Variants in TOP1MT observed in about 807,000 individuals in gnomAD.
TOP1MT encodes the protein DNA topoisomerase I, mitochondrial.
In TOP1MT, 80 loss-of-function variants were observed where a neutral mutation model predicts 73.9. The observed-to-expected ratio is 1.08, with a 90% CI of 0.90 to 1.30. The LOEUF (loss-of-function observed/expected upper bound fraction) is 1.30, where lower values mean the gene tolerates loss of function less well. Ranked by LOEUF, TOP1MT falls within the 50% of genes most tolerant of loss-of-function variation. TOP1MT has a pLI of 0.00. For synonymous variants in TOP1MT, 338 were observed against 326.4 expected (o/e 1.04, Z -0.38); for missense variants, 815 against 808.0 (o/e 1.01, Z -0.10).
Position 143,322,734 on chromosome 8 carries a change from A to ACGCCACACACG in TOP1MT, c.960+1264_960+1265insCGTGTGTGGCG, listed in dbSNP as rs1468194652. ...CGCACGCCACACACAGGCACGCCAC[A>ACGCCACACACG]CACGCCACACACGCACGCACGCCAC... On this transcript the variant is annotated intron_variant, in intron 7 of 13. Coordinates refer to ENST00000329245, the MANE Select transcript of TOP1MT (RefSeq NM_052963.3). 1.4e-3 allele frequency among the ~76,000 whole-genome samples: 17 copies of ACGCCACACACG among 12,300 alleles called. 2 individuals are homozygous for ACGCCACACACG. Among genetic ancestry groups the ACGCCACACACG allele is most frequent in the Non-Finnish European group, 1.7e-3 (13 of 7,842 alleles). 8.1% of individuals were successfully genotyped at this position (12,300 alleles called of 152,430 possible). A position where few individuals can be genotyped will look rare whatever the true frequency, so the allele number is the denominator to read the frequency against.
At chr8:143,327,703 A>G in intron 3 of TOP1MT, 1 of 403,446 alleles carries the variant, frequency 2.5e-6, no homozygotes, top group South Asian at 1.8e-5. Context: ...GAGAATGAGG[A>G]TGCCGGGCAG....
chr8:143,347,726 AGCCAGCG>A (rs1344651271), upstream of TOP1MT, among the ~76,000 whole-genome samples: 16 of 122,924 alleles, frequency 1.3e-4, no homozygotes, highest in South Asian at 3.1e-4. Flanking sequence ...CCAGCCAGCC[AGCCAGCG>A]GGGAAGAGTT....
At position 143,341,385 on chromosome 8, in the gene TOP1MT, C is replaced by T. The variant is rs2130402680; in HGVS notation, c.29+1835G>A. Among the ~76,000 whole-genome samples, 1 of 152,310 alleles carries T rather than the reference C, an allele frequency of 6.6e-6. No individual in the cohort carries two copies. Among genetic ancestry groups the T allele is most frequent in the Middle Eastern group, 3.4e-3 (1 of 294 alleles). ...TTGGGTGTCAGGACCCCGGGCACATCCACCAAGGGCCATCTTCATCTTGTC... is the reference window on the plus strand; with the variant it reads ...TTGGGTGTCAGGACCCCGGGCACATTCACCAAGGGCCATCTTCATCTTGTC... On this transcript the variant is annotated intron_variant, in intron 2 of 5. Coordinates refer to the TOP1MT transcript ENST00000518007. This position sits in a 1 kb window ranked among gnomAD's most constrained non-coding sequence, Gnocchi z 4.1.
At chr8:143,337,459 CATCT>C (rs1489237542), upstream of TOP1MT, among the ~76,000 whole-genome samples, 2 of 152,188 alleles carry the variant, frequency 1.3e-5, no homozygotes, top group African/African-American at 4.8e-5. Flanking sequence ...ATACAATCCC[CATCT>C]AAATTCCAGC....
At chr8:143,346,511 T>C (rs1348986625), upstream of TOP1MT, among the ~76,000 whole-genome samples, 1 of 152,176 alleles carries the variant, frequency 6.6e-6, no homozygotes, top group African/African-American at 2.4e-5. Flanking sequence ...GTGCTGGGTA[T>C]AGCAGCATGC....
intron 13 of TOP1MT, 46 bp downstream of exon 13, chr8:143,310,021 GC>G: frequency 1.9e-6 from 3 of 1,602,332 alleles, no homozygotes; most frequent in Admixed American, 1.7e-5. Context: ...GAAAACCCAG[GC>G]CCCCCATAGG....
intron 1 of TOP1MT, chr8:143,332,665 G>T: frequency 1.1e-6 from 1 of 880,894 alleles, no homozygotes; most frequent in Non-Finnish European, 1.6e-6. Context: ...TTTCTGCAGA[G>T]GAGGGAATGG....
intron 3 of TOP1MT, chr8:143,328,195 T>C: frequency 2.2e-6 from 1 of 454,642 alleles, no homozygotes; most frequent in South Asian, 1.6e-5. Context: ...GTACTCACCA[T>C]AAAAGACAGA....
At chr8:143,322,733 C>A (rs1399838596) in intron 7 of TOP1MT, among the ~76,000 whole-genome samples, 1 of 29,354 alleles carries the variant, frequency 3.4e-5, no homozygotes, top group Admixed American at 3.5e-4. Flanking sequence ...AGGCACGCCA[C>A]ACACGCCACA....
At chr8:143,311,392 A>T (rs1816011164) in intron 12 of TOP1MT, among the ~76,000 whole-genome samples, 1 of 152,116 alleles carries the variant, frequency 6.6e-6, no homozygotes, top group Admixed American at 6.5e-5. Flanking sequence ...ACACGCCACC[A>T]TTAAAAACAG....
upstream of TOP1MT, chr8:143,359,364 G>T: frequency 7.1e-6 from 7 of 985,468 alleles, no homozygotes; most frequent in Non-Finnish European, 7.2e-6. Flanking sequence ...CCAACTCCGG[G>T]AAGAAAGGCC....
At chr8:143,319,391 C>G (rs1222956161) in intron 8 of TOP1MT, among the ~76,000 whole-genome samples, 1 of 152,108 alleles carries the variant, frequency 6.6e-6, no homozygotes, top group African/African-American at 2.4e-5. Context: ...AACTCCTGGG[C>G]TCCAGCAACC....
In TOP1MT at chr8:143,334,589, T is replaced by C. The variant is rs907902668; in HGVS notation, c.122+151A>G. 5 of 1,138,218 alleles carry C rather than the reference T, an allele frequency of 4.4e-6. No homozygotes were observed. In the African/African-American group the frequency reaches 8.3e-5, roughly 19 times the overall value. The allele number at this position is 1,138,218 out of a possible 1,614,324, so 70.5% of individuals were successfully genotyped here. On this transcript the variant is annotated intron_variant, in intron 1 of 13. Transcript: ENST00000329245. ...ACACCCCGGGCAGGAGGCGGGCCGG[T>C]CACACCGCGGCACGCATGCTCTCCT...
rs141255810 is a variant in TOP1MT, at chr8:143,321,321, G to A, written c.1026C>T (p.Ser342=). ...GCAGCTGGACGTGCTCCACGCGGAGGGAACAGCAGCCCACGGTGTCGGCCG... is the reference window on the plus strand; with the variant it reads ...GCAGCTGGACGTGCTCCACGCGGAGAGAACAGCAGCCCACGGTGTCGGCCG... ...GEAADTVGCC[S]LRVEHVQLHP... is the part of the protein sequence containing the mutation. Residue 342 remains serine (S), a synonymous_variant, in exon 8 of 14, where the codon TCC becomes TCT. Coordinates refer to ENST00000329245, the MANE Select transcript of TOP1MT (RefSeq NM_052963.3). The A allele has an allele frequency of 4.4e-6, 7 of 1,608,318 alleles. No homozygotes were observed. Among genetic ancestry groups the A allele is most frequent in the Non-Finnish European group, 6.0e-6 (7 of 1,175,804 alleles).
chr8:143,331,241 A>C lies in TOP1MT; in HGVS notation c.221T>G (p.Val74Gly), dbSNP rs528707532. The C allele has an allele frequency of 6.2e-7, 1 of 1,607,436 alleles. No individual in the cohort carries two copies. Among genetic ancestry groups the C allele is most frequent in the Admixed American group, 1.7e-5 (1 of 59,750 alleles). Residue 74 changes from valine (V) to glycine (G), a missense_variant, in exon 2 of 14, where the codon GTG becomes GGG. Transcript: ENST00000329245. ...APPYEPLPDG[V>G]RFFYEGRPVR... is the part of the protein sequence containing the mutation. Reference sequence around the variant, plus strand: ...ATCCTTACCTTCATAGAAGAAACGCACTCCGTCGGGAAGGGGCTCGTATGG... The same window carrying C: ...ATCCTTACCTTCATAGAAGAAACGCCCTCCGTCGGGAAGGGGCTCGTATGG...
At chr8:143,316,754 G>A (rs1404195966) in intron 10 of TOP1MT, among the ~76,000 whole-genome samples, 1 of 152,236 alleles carries the variant, frequency 6.6e-6, no homozygotes, top group Non-Finnish European at 1.5e-5. Context: ...TGGCCCCAAG[G>A]CACCTACTGG....
intron 2 of TOP1MT, among the ~76,000 whole-genome samples, chr8:143,330,181 C>T (rs1158416020): frequency 1.3e-5 from 2 of 152,224 alleles, no homozygotes; most frequent in African/African-American, 4.8e-5. Context: ...AGCACAGGCC[C>T]GAGGGGCTCA....
intron 7 of TOP1MT, among the ~76,000 whole-genome samples, chr8:143,323,116 G>A (rs1816563834): frequency 1.1e-5 from 1 of 90,428 alleles, no homozygotes; most frequent in Non-Finnish European, 2.1e-5. Context: ...CGCCACACAT[G>A]CACGCCACAC....
intron 2 of TOP1MT, among the ~76,000 whole-genome samples, chr8:143,340,251 CCACACT>C (rs1817053109): frequency 2.0e-5 from 1 of 49,804 alleles, no homozygotes; most frequent in Non-Finnish European, 6.6e-5. Context: ...CACAGCATTC[CCACACT>C]CCCAGCACTG....
Sources: allele counts gnomAD v4.1 joint callset (sites outside exome capture counted in the v4.1 genomes callset), GRCh38; gene constraint gnomAD v4.1.1; non-coding constraint Gnocchi (gnomAD v3.1); transcripts MANE v1.5; gene names NCBI Gene and HGNC (gene_info 2026-07-23, HGNC 2026-07-21).